The following USP14 variants were observed in gnomAD, a reference collection of about 807,000 sequenced individuals.
USP14 encodes the protein ubiquitin carboxyl-terminal hydrolase 14.
Under a neutral mutation model 76.5 loss-of-function variants are expected in USP14, and 38 were observed. The ratio of observed to expected loss-of-function variants is 0.50; its 90% CI spans 0.38 to 0.65. The LOEUF (loss-of-function observed/expected upper bound fraction) is 0.65, where lower values mean the gene tolerates loss of function less well. USP14 is among the 30% of genes least tolerant of loss of function. USP14 has a pLI of 0.00. For missense variants in USP14, 467 were observed against 586.5 expected, an observed-to-expected ratio of 0.80 and a Z score of 2.10; for synonymous variants, 192 against 191.7, an observed-to-expected ratio of 1.00 and a Z score of -0.01.
intron 1 of USP14, among the ~76,000 whole-genome samples, chr18:160,389 G>T (rs1026113100): frequency 6.6e-6 from 1 of 152,206 alleles, no homozygotes; most frequent in Non-Finnish European, 1.5e-5. Flanking sequence ...CAGGGGCCAT[G>T]ATGTATGCTT....
rs771664882 is a variant in USP14, at chr18:197,570, T to C, written c.595-46T>C. On this transcript the variant is annotated intron_variant, in intron 7 of 15. Transcript: ENST00000261601. ...GATTATTTTGGAAGAACTTTGTAGA[T>C]CATTCACTGCCAGGATTACTTACTT... The C allele has an allele frequency of 6.1e-5, 90 of 1,469,428 alleles. 2 individuals carry two copies. In the East Asian group the frequency reaches 2.1e-3, roughly 34 times the overall value. The allele number at this position is 1,469,428 out of a possible 1,614,324, so 91.0% of individuals were successfully genotyped here.
At chr18:202,181 G>A (rs764340864) in intron 10 of USP14, among the ~76,000 whole-genome samples, 1 of 152,202 alleles carries the variant, frequency 6.6e-6, no homozygotes, top group Non-Finnish European at 1.5e-5. Context: ...GTGAATGTTT[G>A]TTAAATGTAG....
intron 12 of USP14, 146 bp from the exon 13 acceptor site, chr18:204,418 T>G: frequency 1.4e-6 from 1 of 706,290 alleles, no homozygotes; most frequent in Admixed American, 4.0e-5. Context: ...TCTTAAGAGG[T>G]TTCAACTGCA....
rs1272943190 is a variant in USP14 at position 158,582 on chromosome 18, G to A, written c.-117G>A. On this transcript the variant is annotated 5_prime_UTR_variant, in exon 1 of 16. Transcript: ENST00000261601. ...GAATGAGACTCGTCGCACCGAAGCC[G>A]CCGCCACCACCGCGCCTCCGCCTCG... is the stretch of plus-strand genomic sequence containing the variant. The A allele has an allele frequency of 1.8e-6, 2 of 1,117,876 alleles. No homozygotes were observed. The highest frequency in any genetic ancestry group is 1.5e-5 in the South Asian group (1 of 66,346). 69.2% of individuals were successfully genotyped at this position (1,117,876 alleles called of 1,614,324 possible).
chr18:183,320 C>CTT (rs968252492), intron 5 of USP14, among the ~76,000 whole-genome samples: 2 of 143,612 alleles, frequency 1.4e-5, no homozygotes, highest in Non-Finnish European at 3.1e-5. Flanking sequence ...AGGGTTTTCT[C>CTT]TTTTTTTTTT....
rs527638247 is a variant in USP14 at position 185,418 on chromosome 18, G to T, written c.404+5079G>T. ...CATCTGCCCGCCTCAGCCTCCCAAA[G>T]TGCTGGGATTACAGGTGTGAGCCAC... On this transcript the variant is annotated intron_variant, in intron 5 of 15. Transcript: ENST00000261601. 5.3e-5 allele frequency among the ~76,000 whole-genome samples: 8 copies of T among 152,228 alleles called. No individual in the cohort carries two copies. The South Asian group carries it at 1.0e-3, about 20-fold the overall frequency.
intron 5 of USP14, among the ~76,000 whole-genome samples, chr18:182,142 G>A (rs1189965650): frequency 3.9e-5 from 6 of 152,256 alleles, no homozygotes; most frequent in Middle Eastern, 3.4e-3. Context: ...TTATACCATC[G>A]TATGAAAGGA....
intron 1 of USP14, among the ~76,000 whole-genome samples, chr18:161,061 G>A (rs1909105942): frequency 6.6e-6 from 1 of 152,124 alleles, no homozygotes; most frequent in African/African-American, 2.4e-5. Context: ...GCGAGTAGCT[G>A]GAATTACAGG....
intron 11 of USP14, 33 bp from the exon 12 acceptor site, chr18:203,065 G>A (rs749645472): frequency 5.6e-6 from 9 of 1,608,906 alleles, no homozygotes; most frequent in South Asian, 4.4e-5. Flanking sequence ...GTATTTTGAT[G>A]TAATGGGATT....
chr18:187,696 GC>G (rs1263194497), intron 5 of USP14, among the ~76,000 whole-genome samples: 1 of 151,840 alleles, frequency 6.6e-6, no homozygotes, highest in Non-Finnish European at 1.5e-5. Context: ...TTTGTTATTG[GC>G]CCTGCTAGCT....
At chr18:191,236 A>G (rs1279466067) in intron 5 of USP14, among the ~76,000 whole-genome samples, 1 of 152,190 alleles carries the variant, frequency 6.6e-6, no homozygotes, top group Non-Finnish European at 1.5e-5. Flanking sequence ...TAATTCAGGC[A>G]TTATTGTGAA....
intron 5 of USP14, among the ~76,000 whole-genome samples, chr18:188,937 C>T (rs939847092): frequency 5.3e-5 from 8 of 152,162 alleles, no homozygotes; most frequent in African/African-American, 1.9e-4. Flanking sequence ...CTTTGGCCTC[C>T]CAAAGTGCTG....
rs1179340472 is a variant in USP14 at position 211,449 on chromosome 18, TAC to T, written c.*167_*168del. 8.5e-6 allele frequency: 5 copies of T among 587,332 alleles called. No individual in the cohort carries two copies. The African/African-American group carries it at 9.5e-5, about 11-fold the overall frequency. 36.4% of individuals were successfully genotyped at this position (587,332 alleles called of 1,614,324 possible). A position where few individuals can be genotyped will look rare whatever the true frequency, so the allele number is the denominator to read the frequency against. On this transcript the variant is annotated 3_prime_UTR_variant, in exon 16 of 16. Transcript: ENST00000261601. ...CACTCTGTGCACCAACCTAAAAAAT[TAC>T]AGAGAAGAGAAAATTATCTTTGGAT...
intron 2 of USP14, among the ~76,000 whole-genome samples, chr18:165,828 G>T (rs1035594589): frequency 6.6e-6 from 1 of 152,044 alleles, no homozygotes; most frequent in African/African-American, 2.4e-5. Context: ...GGAAGTTACC[G>T]TTCCATTTTA....
chr18:177,464 T>C (rs1257626012), intron 3 of USP14, among the ~76,000 whole-genome samples: 6 of 151,552 alleles, frequency 4.0e-5, no homozygotes, highest in Non-Finnish European at 7.4e-5. Context: ...GATGGCTTAG[T>C]ACTGCTTTAC....
intron 15 of USP14, among the ~76,000 whole-genome samples, chr18:210,748 G>A (rs1245717670): frequency 1.3e-5 from 2 of 152,178 alleles, no homozygotes; most frequent in East Asian, 1.9e-4. Flanking sequence ...AACAAAATGA[G>A]TGAGAAATGG....
At chr18:171,217 C>T (rs182129748) in intron 3 of USP14, among the ~76,000 whole-genome samples, 32 of 151,752 alleles carry the variant, frequency 2.1e-4, no homozygotes, top group Non-Finnish European at 2.5e-4. Flanking sequence ...CACTATACAA[C>T]AGATTTTCAG....
At chr18:172,644 T>C (rs1024453675) in intron 3 of USP14, among the ~76,000 whole-genome samples, 2 of 152,086 alleles carry the variant, frequency 1.3e-5, no homozygotes, top group African/African-American at 4.8e-5. Flanking sequence ...CAGTCAGTAG[T>C]CATCAACTTG....
At chr18:207,099 C>T (rs575047903) in intron 13 of USP14, among the ~76,000 whole-genome samples, 1 of 145,982 alleles carries the variant, frequency 6.9e-6, no homozygotes, top group South Asian at 2.2e-4. Flanking sequence ...GGTCTTGGAA[C>T]CTTTGTAGAG....
Sources: allele counts gnomAD v4.1 joint callset (sites outside exome capture counted in the v4.1 genomes callset), GRCh38; gene constraint gnomAD v4.1.1; transcripts MANE v1.5; gene names NCBI Gene and HGNC (gene_info 2026-07-23, HGNC 2026-07-21).